AGAP1: variants seen among roughly 807,000 people sequenced by gnomAD.
AGAP1 encodes arf-GAP with GTPase, ANK repeat and PH domain-containing protein 1.
In AGAP1, 29 loss-of-function variants were observed where a neutral mutation model predicts 105.3. The observed-to-expected ratio is 0.28, with a 90% CI of 0.21 to 0.38. The LOEUF (loss-of-function observed/expected upper bound fraction) is 0.38, where lower values mean the gene tolerates loss of function less well. Ranked by LOEUF, AGAP1 falls within the 10% of genes least tolerant of loss-of-function variation. The pLI is 1.00. For synonymous variants in AGAP1, 509 were observed against 485.9 expected, an observed-to-expected ratio of 1.05 and a Z score of -0.63; for missense variants, 998 against 1,165.1, an observed-to-expected ratio of 0.86 and a Z score of 2.09.
chr2:236,023,937 C>T (rs11680114), intron 13 of AGAP1, among the ~76,000 whole-genome samples: 1 of 152,054 alleles, frequency 6.6e-6, no homozygotes, highest in African/African-American at 2.4e-5. Flanking sequence ...TAAGTGACTT[C>T]TGCATCCTCC....
At chr2:235,890,638 A>G (rs1220643236) in intron 10 of AGAP1, among the ~76,000 whole-genome samples, 1 of 152,200 alleles carries the variant, frequency 6.6e-6, no homozygotes, top group Non-Finnish European at 1.5e-5. Context: ...TAGCTTTCAG[A>G]TCACACAGAG....
chr2:235,959,852 G>A lies in AGAP1; in HGVS notation c.1484-8610G>A, dbSNP rs1044392429. On this transcript the variant is annotated intron_variant, in intron 12 of 17. Transcript: ENST00000304032. The surrounding 1 kb of genome is among the most constrained non-coding windows in gnomAD (Gnocchi z 7.3). ...GCTCCTGCCAAACCTGCTCCCACCCGCCCCAGCCCAGAGCATGTGGCTTCT... is the reference window on the plus strand; with the variant it reads ...GCTCCTGCCAAACCTGCTCCCACCCACCCCAGCCCAGAGCATGTGGCTTCT... Among the ~76,000 whole-genome samples, 35 of 146,576 alleles carry A rather than the reference G, an allele frequency of 2.4e-4. No individual in the cohort carries two copies. The highest frequency in any genetic ancestry group is 8.8e-4 in the Admixed American group (13 of 14,834).
intron 16 of AGAP1, among the ~76,000 whole-genome samples, chr2:236,103,800 C>T (rs2059418007): frequency 6.6e-6 from 1 of 152,054 alleles, no homozygotes; most frequent in South Asian, 2.1e-4. Flanking sequence ...AACTCCTGAC[C>T]TCGTGGTCTG....
intron 1 of AGAP1, among the ~76,000 whole-genome samples, chr2:235,565,166 A>AT (rs1944307732): frequency 6.8e-6 from 1 of 146,026 alleles, no homozygotes; most frequent in Non-Finnish European, 1.5e-5. Context: ...AGCCTGGACC[A>AT]CCACCCACGG....
chr2:235,941,849 TGG>T, intron 12 of AGAP1, among the ~76,000 whole-genome samples: 1 of 150,958 alleles, frequency 6.6e-6, no homozygotes, highest in African/African-American at 2.5e-5. Flanking sequence ...GCTTTGTTGT[TGG>T]GGGGGTAAGA....
chr2:235,789,913 A>G lies in AGAP1; in HGVS notation c.674-7846A>G, dbSNP rs1956874187. Among the ~76,000 whole-genome samples the G allele has an allele frequency of 6.6e-6, 1 of 152,210 alleles. No individual in the cohort carries two copies. Among genetic ancestry groups the G allele is most frequent in the Non-Finnish European group, 1.5e-5 (1 of 68,034 alleles). ...CCTAAGTTAAATTTATGACCTGTTT[A>G]GTTGCAGGATGTCTTACCTTCCTTG... On this transcript the variant is annotated intron_variant, in intron 6 of 17. Coordinates refer to ENST00000304032, the MANE Select transcript of AGAP1 (RefSeq NM_001037131.3). This position sits in a 1 kb window ranked among gnomAD's most constrained non-coding sequence, Gnocchi z 4.2.
At chr2:235,634,633 G>C (rs1946932058) in intron 1 of AGAP1, among the ~76,000 whole-genome samples, 1 of 152,164 alleles carries the variant, frequency 6.6e-6, no homozygotes, top group African/African-American at 2.4e-5. Flanking sequence ...AGGGAATCTG[G>C]GGACAGCCGT....
rs187098015 is a variant in AGAP1 at position 235,697,380 on chromosome 2, G to A, written c.164-11799G>A. ...GTACATGTTGTTCGTCTTCATGTGA[G>A]GTTGTTAGAAGTAGTTTAGCCACAT... On this transcript the variant is annotated intron_variant, in intron 1 of 17. Transcript: ENST00000304032. Among the ~76,000 whole-genome samples, 51 of 152,304 alleles carry A rather than the reference G, an allele frequency of 3.3e-4. 1 individual carries two copies. The highest frequency in any genetic ancestry group is 1.2e-3 in the African/African-American group (49 of 41,572).
chr2:235,605,685 AG>A (rs1945907999), intron 1 of AGAP1, among the ~76,000 whole-genome samples: 1 of 152,254 alleles, frequency 6.6e-6, no homozygotes, highest in South Asian at 2.1e-4. Context: ...CATCAGAAAC[AG>A]GGAGGTCTTT....
chr2:236,031,419 G>C (rs1208719188), intron 13 of AGAP1, among the ~76,000 whole-genome samples: 1 of 152,184 alleles, frequency 6.6e-6, no homozygotes, highest in Non-Finnish European at 1.5e-5. Context: ...GCTGATCGCA[G>C]ATCCTTCTCC....
chr2:235,721,182 A>G lies in AGAP1; in HGVS notation c.310+3538A>G, dbSNP rs1951364360. 6.6e-6 allele frequency among the ~76,000 whole-genome samples: 1 copy of G among 151,980 alleles called. No individual in the cohort carries two copies. Among genetic ancestry groups the G allele is most frequent in the Non-Finnish European group, 1.5e-5 (1 of 67,944 alleles). On this transcript the variant is annotated intron_variant, in intron 3 of 17. Transcript: ENST00000304032. The surrounding 1 kb of genome is among the most constrained non-coding windows in gnomAD (Gnocchi z 4.5). ...CCCACCGCGCCCGGATAATTTTTGT[A>G]TTTTTGGTAGAGGCAGGGTTTCACC...
At chr2:235,643,395 C>T (rs1230284143) in intron 1 of AGAP1, among the ~76,000 whole-genome samples, 4 of 121,082 alleles carry the variant, frequency 3.3e-5, no homozygotes, top group Non-Finnish European at 4.7e-5. Context: ...TGTGCCATTG[C>T]ACTCCAGCCT....
At position 236,128,516 on chromosome 2, in the gene AGAP1, CCT is replaced by C. The variant is rs1404907381; in HGVS notation, c.*4400_*4401del. Reference sequence around the variant, plus strand: ...CGCCGTGCTTGGCTGCAGGCCCGTCCCTCTCTCCCCATCCTCGGGTTCCCAGC... The same window carrying C: ...CGCCGTGCTTGGCTGCAGGCCCGTCCCTCTCCCCATCCTCGGGTTCCCAGC... On this transcript the variant is annotated 3_prime_UTR_variant, in exon 18 of 18. Transcript: ENST00000304032. The surrounding 1 kb of genome is among the most constrained non-coding windows in gnomAD (Gnocchi z 5.9). 1.3e-5 allele frequency: 2 copies of C among 152,304 alleles called. No individual in the cohort carries two copies. Among genetic ancestry groups the C allele is most frequent in the African/African-American group, 2.4e-5 (1 of 41,406 alleles). 9.4% of individuals were successfully genotyped at this position (152,304 alleles called of 1,614,324 possible).
chr2:236,016,452 A>T (rs1029779853), intron 13 of AGAP1, among the ~76,000 whole-genome samples: 12 of 140,230 alleles, frequency 8.6e-5, no homozygotes, highest in Non-Finnish European at 1.1e-4. Context: ...TCCAGCCTTT[A>T]AAAAAAAATT....
chr2:235,699,823 G>A (rs1950168057), intron 1 of AGAP1, among the ~76,000 whole-genome samples: 2 of 152,214 alleles, frequency 1.3e-5, no homozygotes, highest in Non-Finnish European at 2.9e-5. Context: ...ATTAAAGATG[G>A]AAGTGAGAGC....
chr2:235,670,924 G>T, intron 1 of AGAP1: 1 of 1,334,760 alleles, frequency 7.5e-7, no homozygotes, highest in Non-Finnish European at 9.5e-7. Context: ...TCGCGCGCAG[G>T]GACGGGGGCC....
intron 12 of AGAP1, among the ~76,000 whole-genome samples, chr2:235,946,284 C>CTTTTTTTTTTTTTTTTT (rs34759426): frequency 8.8e-6 from 1 of 114,058 alleles, no homozygotes; most frequent in Non-Finnish European, 1.7e-5. Flanking sequence ...GCTTTTTTTC[C>CTTTTTTTTTTTTTTTTT]TTTTTTTTTT....
In AGAP1 at chr2:236,095,758, A is replaced by G. The variant is rs1309346767; in HGVS notation, c.2115-24434A>G. Among the ~76,000 whole-genome samples, 1 of 152,248 alleles carries G rather than the reference A, an allele frequency of 6.6e-6. No individual in the cohort carries two copies. The highest frequency in any genetic ancestry group is 1.5e-5 in the Non-Finnish European group (1 of 68,048). ...AAAATTTTGACATATGAAGAAGTATATTAGTTCAGGGCTAGATTATGGATA... is the reference window on the plus strand; with the variant it reads ...AAAATTTTGACATATGAAGAAGTATGTTAGTTCAGGGCTAGATTATGGATA... On this transcript the variant is annotated intron_variant, in intron 16 of 17. Transcript: ENST00000304032. This position sits in a 1 kb window ranked among gnomAD's most constrained non-coding sequence, Gnocchi z 4.1.
rs533540885 is a variant in AGAP1, at chr2:235,548,803, A to G, written c.163+53954A>G. Among the ~76,000 whole-genome samples the G allele has an allele frequency of 2.2e-4, 33 of 152,174 alleles. 1 individual carries two copies. Among genetic ancestry groups the G allele is most frequent in the Non-Finnish European group, 3.4e-4 (23 of 68,032 alleles). ...ATGTGAGAGTGCACCTTTCATTACA[A>G]AAGTACCCATGCGTTTGACTAGGGG... On this transcript the variant is annotated intron_variant, in intron 1 of 17. Transcript: ENST00000304032.
Sources: allele counts gnomAD v4.1 joint callset (sites outside exome capture counted in the v4.1 genomes callset), GRCh38; gene constraint gnomAD v4.1.1; non-coding constraint Gnocchi (gnomAD v3.1); transcripts MANE v1.5; gene names NCBI Gene and HGNC (gene_info 2026-07-23, HGNC 2026-07-21).